The following LRRC4C variants were observed in gnomAD, a reference collection of about 807,000 sequenced individuals.
LRRC4C encodes the protein leucine-rich repeat-containing protein 4C.
In LRRC4C, 5 loss-of-function variants were observed where a neutral mutation model predicts 33.6. The observed-to-expected ratio is 0.15, with a 90% CI of 0.08 to 0.31. The LOEUF is 0.31. Among genes scored for constraint, LRRC4C ranks in the 10% least tolerant of loss-of-function variants. LRRC4C has a pLI of 1.00. For missense variants in LRRC4C, 560 were observed against 796.7 expected, an observed-to-expected ratio of 0.70 and a Z score of 3.58; for synonymous variants, 329 against 302.0, an observed-to-expected ratio of 1.09 and a Z score of -0.93.
At chr11:41,213,730 C>A (rs1253226118) in intron 1 of LRRC4C, among the ~76,000 whole-genome samples, 1 of 152,214 alleles carries the variant, frequency 6.6e-6, no homozygotes, top group African/African-American at 2.4e-5. Flanking sequence ...CTTCCATACA[C>A]ACACTCAGCA....
At chr11:41,173,135 A>G (rs1292414184) in intron 1 of LRRC4C, among the ~76,000 whole-genome samples, 1 of 152,202 alleles carries the variant, frequency 6.6e-6, no homozygotes, top group Non-Finnish European at 1.5e-5. Flanking sequence ...TAAATTTATT[A>G]CAAATGATCC....
intron 5 of LRRC4C, among the ~76,000 whole-genome samples, chr11:40,161,750 C>T (rs1859176362): frequency 6.6e-6 from 1 of 152,088 alleles, no homozygotes; most frequent in African/African-American, 2.4e-5. Flanking sequence ...GAGCGAGACT[C>T]CTTCTCCGAA....
At chr11:40,205,312 T>A (rs1392397810) in intron 5 of LRRC4C, among the ~76,000 whole-genome samples, 1 of 152,172 alleles carries the variant, frequency 6.6e-6, no homozygotes. Context: ...GAATTACAAA[T>A]GCATTCAGCT....
Position 40,880,307 on chromosome 11 carries a change from C to T in LRRC4C, c.-407+53328G>A, listed in dbSNP as rs79200341. Reference sequence around the variant, plus strand: ...GAAATTAGGATTTAATTAATCCCCCCGGTAAATAATAAAATGATTGCTATT... The same window carrying T: ...GAAATTAGGATTTAATTAATCCCCCTGGTAAATAATAAAATGATTGCTATT... On this transcript the variant is annotated intron_variant, in intron 2 of 6. Coordinates refer to ENST00000528697, the MANE Select transcript of LRRC4C (RefSeq NM_001258419.2). Among the ~76,000 whole-genome samples the T allele has an allele frequency of 2.3e-3, 353 of 152,084 alleles. 3 individuals carry two copies. Among genetic ancestry groups the T allele is most frequent in the African/African-American group, 7.6e-3 (314 of 41,508 alleles).
intron 2 of LRRC4C, among the ~76,000 whole-genome samples, chr11:40,693,815 T>C (rs755706397): frequency 6.6e-6 from 1 of 152,052 alleles, no homozygotes; most frequent in Non-Finnish European, 1.5e-5. Context: ...AAAGGTGAGT[T>C]GGAATGACAC....
At chr11:41,430,675 T>C (rs1296727587) in intron 1 of LRRC4C, among the ~76,000 whole-genome samples, 2 of 152,182 alleles carry the variant, frequency 1.3e-5, no homozygotes, top group South Asian at 2.1e-4. Flanking sequence ...TTATGTTCCT[T>C]TGGAGAAAAT....
Position 41,058,757 on chromosome 11 carries a change from T to C in LRRC4C, c.-495-125034A>G, listed in dbSNP as rs550125339. 1.1e-4 allele frequency among the ~76,000 whole-genome samples: 16 copies of C among 152,294 alleles called. No homozygotes were observed. In the East Asian group the frequency reaches 2.5e-3, roughly 24 times the overall value. ...TTTCTACCATGAAGAAACATGCACA[T>C]ATATGTTCATCACATCACTATTCAT... On this transcript the variant is annotated intron_variant, in intron 1 of 6. Coordinates refer to ENST00000528697, the MANE Select transcript of LRRC4C (RefSeq NM_001258419.2).
intron 5 of LRRC4C, among the ~76,000 whole-genome samples, chr11:40,204,760 G>C (rs145623172): frequency 5.3e-5 from 8 of 152,084 alleles, no homozygotes; most frequent in African/African-American, 1.9e-4. Flanking sequence ...TTCTTCAGCA[G>C]AGAGTTGAGT....
chr11:40,592,841 T>C (rs151091883), intron 3 of LRRC4C, among the ~76,000 whole-genome samples: 8 of 152,182 alleles, frequency 5.3e-5, no homozygotes, highest in Non-Finnish European at 1.0e-4. Flanking sequence ...ACTGGGTGTA[T>C]CTTGTCTTTG....
chr11:41,212,830 G>A (rs1029638891), intron 1 of LRRC4C, among the ~76,000 whole-genome samples: 5 of 152,150 alleles, frequency 3.3e-5, no homozygotes, highest in East Asian at 1.9e-4. Context: ...GTGTATATAT[G>A]TGCCACATTT....
chr11:40,547,417 A>G (rs1181327839), intron 3 of LRRC4C, among the ~76,000 whole-genome samples: 6 of 152,092 alleles, frequency 3.9e-5, no homozygotes, highest in Admixed American at 1.3e-4. Context: ...ATGGTACGCA[A>G]GGGTTACAAG....
At chr11:40,922,069 T>C (rs144078034) in intron 2 of LRRC4C, among the ~76,000 whole-genome samples, 18 of 152,304 alleles carry the variant, frequency 1.2e-4, no homozygotes, top group Admixed American at 2.0e-4. Context: ...ACTAATTTTG[T>C]ATATTATAAA....
intron 1 of LRRC4C, among the ~76,000 whole-genome samples, chr11:41,319,536 T>C (rs1591256818): frequency 6.6e-6 from 1 of 152,140 alleles, no homozygotes; most frequent in East Asian, 1.9e-4. Flanking sequence ...TTTTGTTTGT[T>C]TGTCTGTCTT....
chr11:41,047,610 C>T (rs142126785), intron 1 of LRRC4C, among the ~76,000 whole-genome samples: 93 of 152,152 alleles, frequency 6.1e-4, no homozygotes, highest in African/African-American at 2.2e-3. Flanking sequence ...AAAAAGATTA[C>T]CTTAACTGTT....
chr11:40,521,979 A>G (rs1198509320), intron 3 of LRRC4C, among the ~76,000 whole-genome samples: 1 of 152,234 alleles, frequency 6.6e-6, no homozygotes. Flanking sequence ...TTAGGTTGGA[A>G]CAGACAAAAA....
intron 1 of LRRC4C, among the ~76,000 whole-genome samples, chr11:41,022,860 ACT>A (rs1856079731): frequency 6.6e-6 from 1 of 151,880 alleles, no homozygotes; most frequent in Non-Finnish European, 1.5e-5. Flanking sequence ...CGAAGAGAAC[ACT>A]CTTCTGCCAG....
At chr11:40,295,204 A>G (rs553698021) in intron 4 of LRRC4C, among the ~76,000 whole-genome samples, 5 of 152,284 alleles carry the variant, frequency 3.3e-5, no homozygotes, top group Admixed American at 2.6e-4. Context: ...TCTTTCTCCA[A>G]TGTATAATTT....
chr11:40,325,599 C>G (rs949535737), intron 3 of LRRC4C, among the ~76,000 whole-genome samples: 2 of 151,640 alleles, frequency 1.3e-5, no homozygotes, highest in African/African-American at 4.9e-5. Context: ...CTGTTCTGCA[C>G]CCTGGGCAAC....
intron 2 of LRRC4C, among the ~76,000 whole-genome samples, chr11:40,696,465 C>A (rs999775329): frequency 6.1e-5 from 9 of 147,668 alleles, no homozygotes; most frequent in Admixed American, 2.7e-4. Context: ...AAGGTAATAG[C>A]AGCTAAATGC....
Sources: allele counts gnomAD v4.1 joint callset (sites outside exome capture counted in the v4.1 genomes callset), GRCh38; gene constraint gnomAD v4.1.1; transcripts MANE v1.5; gene names NCBI Gene and HGNC (gene_info 2026-07-23, HGNC 2026-07-21).